The following FOXP1 variants were observed in gnomAD, a reference collection of about 807,000 sequenced individuals.
FOXP1 encodes forkhead box protein P1.
Under a neutral mutation model 98.2 loss-of-function variants are expected in FOXP1, and 15 were observed. That is an observed-to-expected ratio of 0.15 (90% CI 0.10 to 0.24). The LOEUF (loss-of-function observed/expected upper bound fraction) is 0.24. Among genes scored for constraint, FOXP1 ranks in the 10% least tolerant of loss-of-function variants. The pLI, the probability that FOXP1 is intolerant of heterozygous loss-of-function variation, is 1.00. For synonymous variants in FOXP1, 371 were observed against 314.5 expected (o/e 1.18, Z -1.90); for missense variants, 633 against 848.5 (o/e 0.75, Z 3.15).
intron 2 of FOXP1, among the ~76,000 whole-genome samples, chr3:71,511,500 A>T (rs1004185852): frequency 3.1e-4 from 47 of 152,160 alleles, no homozygotes; most frequent in African/African-American, 1.1e-3. Context: ...AATTAATAAA[A>T]AAAAAAAAAA....
At chr3:71,474,440 C>A (rs1333823004) in intron 3 of FOXP1, among the ~76,000 whole-genome samples, 1 of 152,134 alleles carries the variant, frequency 6.6e-6, no homozygotes. Context: ...CCCCAGTCCC[C>A]GGGCCACAGA....
At chr3:71,434,631 G>GGGGTGTGT (rs1553883024) in intron 3 of FOXP1, among the ~76,000 whole-genome samples, 2 of 142,266 alleles carry the variant, frequency 1.4e-5, no homozygotes, top group African/African-American at 2.6e-5. Context: ...GAGGGGATGG[G>GGGGTGTGT]GTGTGTGTGT....
At chr3:71,583,462 T>C (rs2048354961) in intron 1 of FOXP1, 109 bp downstream of exon 1, 1 of 979,260 alleles carries the variant, frequency 1.0e-6, no homozygotes, top group Non-Finnish European at 1.2e-6. Flanking sequence ...TTTTTCTTTC[T>C]TTCTTTTTTT....
chr3:71,471,297 T>C (rs969534525), intron 3 of FOXP1, among the ~76,000 whole-genome samples: 1 of 151,448 alleles, frequency 6.6e-6, no homozygotes, highest in Non-Finnish European at 1.5e-5. Flanking sequence ...GTTTATTATA[T>C]GTTATAGTAA....
chr3:71,155,230 T>C (rs1261296916), intron 6 of FOXP1, among the ~76,000 whole-genome samples: 1 of 152,080 alleles, frequency 6.6e-6, no homozygotes, highest in Non-Finnish European at 1.5e-5. Context: ...GCCTAGAAAA[T>C]ACATATAAAC....
intron 6 of FOXP1, among the ~76,000 whole-genome samples, chr3:71,128,339 A>G (rs1310950737): frequency 2.6e-5 from 4 of 151,902 alleles, no homozygotes; most frequent in African/African-American, 9.7e-5. Flanking sequence ...TTTTAAATCT[A>G]AATTTAATAT....
intron 4 of FOXP1, among the ~76,000 whole-genome samples, chr3:71,314,306 G>A (rs766511781): frequency 6.6e-6 from 1 of 152,058 alleles, no homozygotes; most frequent in South Asian, 2.1e-4. Context: ...TGAGGTGGGC[G>A]GATCTCAAGG....
chr3:71,108,587 G>A (rs1055971800), intron 7 of FOXP1, among the ~76,000 whole-genome samples: 7 of 152,156 alleles, frequency 4.6e-5, no homozygotes, highest in African/African-American at 1.7e-4. Context: ...TCAACATGGT[G>A]AAACCAAGTC....
chr3:71,258,742 G>A (rs2068845003), intron 5 of FOXP1, among the ~76,000 whole-genome samples: 2 of 152,200 alleles, frequency 1.3e-5, no homozygotes, highest in Non-Finnish European at 2.9e-5. Context: ...CTTTAAGTGT[G>A]GGAACCTATC....
chr3:71,267,314 G>A (rs1363386089), intron 5 of FOXP1, among the ~76,000 whole-genome samples: 1 of 152,116 alleles, frequency 6.6e-6, no homozygotes, highest in South Asian at 2.1e-4. Context: ...TTACAAAGAG[G>A]TTCAATATTA....
chr3:71,099,111 G>A (rs1553737612), intron 7 of FOXP1, among the ~76,000 whole-genome samples: 1 of 152,166 alleles, frequency 6.6e-6, no homozygotes, highest in Non-Finnish European at 1.5e-5. Flanking sequence ...TTGATTATAA[G>A]CAAAACGATG....
chr3:71,345,377 G>T (rs1212723030), intron 4 of FOXP1, among the ~76,000 whole-genome samples: 2 of 149,804 alleles, frequency 1.3e-5, no homozygotes, highest in East Asian at 3.9e-4. Flanking sequence ...GACAGAGAGA[G>T]AATCTGTCTC....
chr3:71,272,646 C>T (rs986744756), intron 5 of FOXP1, among the ~76,000 whole-genome samples: 1 of 148,130 alleles, frequency 6.8e-6, no homozygotes, highest in Non-Finnish European at 1.5e-5. Context: ...GTCCTTTATT[C>T]TCATTGACTA....
chr3:71,001,876 C>A (rs2042166436), intron 12 of FOXP1, among the ~76,000 whole-genome samples: 1 of 152,178 alleles, frequency 6.6e-6, no homozygotes, highest in Non-Finnish European at 1.5e-5. Context: ...ATTACTCAGT[C>A]CTTTCTTACT....
At chr3:71,288,472 A>G (rs2072405022) in intron 5 of FOXP1, 1 of 152,230 alleles carries the variant, frequency 6.6e-6, no homozygotes, top group African/African-American at 2.4e-5. Flanking sequence ...GTAAAAGGTA[A>G]AGGTGATAGA....
Position 71,287,173 on chromosome 3 carries a change from C to T in FOXP1, c.-12+12647G>A, listed in dbSNP as rs571898246. On this transcript the variant is annotated intron_variant, in intron 5 of 20. Coordinates refer to ENST00000649528, the MANE Select transcript of FOXP1 (RefSeq NM_001349338.3). ...ATATAGACAAATGTTTTTAAATATGCCATATATAAGAAATAGCCAGGCAAG... is the reference window on the plus strand; with the variant it reads ...ATATAGACAAATGTTTTTAAATATGTCATATATAAGAAATAGCCAGGCAAG... Among the ~76,000 whole-genome samples the T allele has an allele frequency of 1.7e-3, 253 of 152,072 alleles. 1 individual carries two copies. The highest frequency in any genetic ancestry group is 5.7e-3 in the African/African-American group (238 of 41,480).
At chr3:71,404,126 T>A (rs867579706) in intron 3 of FOXP1, among the ~76,000 whole-genome samples, 1 of 47,196 alleles carries the variant, frequency 2.1e-5, no homozygotes, top group African/African-American at 7.2e-5. Context: ...TTTTCTTTTT[T>A]TTTTTTTTTT....
intron 7 of FOXP1, chr3:71,064,721 C>T (rs1416709148): frequency 1.2e-6 from 1 of 805,020 alleles, no homozygotes; most frequent in Non-Finnish European, 1.5e-6. Flanking sequence ...ACTTCAGAAC[C>T]CTCGGGCTCT....
intron 3 of FOXP1, among the ~76,000 whole-genome samples, chr3:71,428,748 C>T (rs778607414): frequency 5.3e-5 from 8 of 152,188 alleles, no homozygotes; most frequent in Non-Finnish European, 8.8e-5. Flanking sequence ...TTTGTGATCC[C>T]TACAATGAGA....
Sources: allele counts gnomAD v4.1 joint callset (sites outside exome capture counted in the v4.1 genomes callset), GRCh38; gene constraint gnomAD v4.1.1; transcripts MANE v1.5; gene names NCBI Gene and HGNC (gene_info 2026-07-23, HGNC 2026-07-21).